Variants in HOXD11 observed in about 807,000 individuals in gnomAD.
The protein encoded by HOXD11 is homeobox protein Hox-D11.
HOXD11 carries 16 observed loss-of-function variants against 23.1 expected under a neutral mutation model. The observed-to-expected ratio is 0.69, with a 90% CI of 0.47 to 1.05. The LOEUF is 1.05. HOXD11 is among the 50% of genes least tolerant of loss of function. The probability of loss-of-function intolerance (pLI) is 0.00; values close to 1 mark genes in which losing one functional copy is unlikely to be tolerated. For synonymous variants in HOXD11, 262 were observed against 224.4 expected (o/e 1.17, Z -1.50); for missense variants, 564 against 495.6 (o/e 1.14, Z -1.31).
At chr2:176,111,846 A>C (rs1228595627), downstream of HOXD11, among the ~76,000 whole-genome samples, 1 of 149,766 alleles carries the variant, frequency 6.7e-6, no homozygotes, top group East Asian at 2.0e-4. Context: ...AAAAAAAAAA[A>C]AAACCTTCAT....
downstream of HOXD11, among the ~76,000 whole-genome samples, chr2:176,112,075 G>C (rs993307322): frequency 5.3e-5 from 8 of 152,284 alleles, no homozygotes; most frequent in Admixed American, 4.6e-4. Flanking sequence ...TGCCCAGGCC[G>C]GGCTGGGCTG....
chr2:176,109,181 C>T lies in HOXD11; in HGVS notation c.*39C>T. 1 of 1,242,782 alleles carries T rather than the reference C, an allele frequency of 8.0e-7. No homozygotes were observed. The highest frequency in any genetic ancestry group is 1.2e-6 in the Non-Finnish European group (1 of 844,680). 77.0% of individuals were successfully genotyped at this position (1,242,782 alleles called of 1,614,324 possible). On this transcript the variant is annotated 3_prime_UTR_variant, in exon 2 of 2. Coordinates refer to ENST00000249504, the MANE Select transcript of HOXD11 (RefSeq NM_021192.3). ...CGCCCTCACCCCAGCCCCACTCACC[C>T]ACCCTCCTTCCCACCAGCCTGCTCT... is the stretch of plus-strand genomic sequence containing the variant.
Position 176,109,325 on chromosome 2 carries a change from A to G in HOXD11, c.*183A>G, listed in dbSNP as rs1689642886. 1.7e-6 allele frequency: 1 copy of G among 593,038 alleles called. No individual in the cohort carries two copies. The highest frequency in any genetic ancestry group is 1.9e-5 in the African/African-American group (1 of 53,882). 36.7% of individuals were successfully genotyped at this position (593,038 alleles called of 1,614,324 possible). On this transcript the variant is annotated 3_prime_UTR_variant, in exon 2 of 2. Coordinates refer to ENST00000249504, the MANE Select transcript of HOXD11 (RefSeq NM_021192.3). ...ACTGCAGCCTGCGGACGAGGCCGGG[A>G]CTTGGCCGAGCGGATCCTAATAAGG...
chr2:176,114,603 A>C (rs1398350843), downstream of HOXD11, among the ~76,000 whole-genome samples: 1 of 151,550 alleles, frequency 6.6e-6, no homozygotes, highest in Non-Finnish European at 1.5e-5. Context: ...CCCAAGGCCG[A>C]AAATAATGTT....
Position 176,107,914 on chromosome 2 carries a change from G to C in HOXD11, c.559G>C (p.Gly187Arg). The change falls in exon 1 of 2, where the codon GGG (glycine) becomes CGG (arginine). Residue 187 changes from glycine to arginine, a missense_variant. By Grantham distance (125) the Gly-to-Arg change is moderately radical (BLOSUM62 -2). Coordinates refer to ENST00000249504, the MANE Select transcript of HOXD11 (RefSeq NM_021192.3). ...CGACCAGTTCTACGAGGCAGCGCCC[G>C]GGCCCCCGTTCGCCGGGCCGCAGCC... ...GFDQFYEAAP[G>R]PPFAGPQPPP... 7.0e-7 allele frequency: 1 copy of C among 1,430,758 alleles called. No individual in the cohort carries two copies. Among genetic ancestry groups the C allele is most frequent in the Non-Finnish European group, 9.2e-7 (1 of 1,091,424 alleles). 88.6% of individuals were successfully genotyped at this position (1,430,758 alleles called of 1,614,324 possible).
intron 1 of HOXD11, 105 bp from the exon 2 acceptor site, chr2:176,108,802 C>G (rs1689628603): frequency 1.4e-6 from 1 of 733,146 alleles, no homozygotes; most frequent in South Asian, 1.9e-5. Context: ...GAGAACGTCC[C>G]CAACGGGGCC....
downstream of HOXD11, among the ~76,000 whole-genome samples, chr2:176,110,938 G>A (rs1689664261): frequency 1.3e-5 from 2 of 152,144 alleles, no homozygotes; most frequent in Non-Finnish European, 2.9e-5. Context: ...GAATTCTGGC[G>A]GGGGGTCTTA....
downstream of HOXD11, among the ~76,000 whole-genome samples, chr2:176,110,323 A>G (rs373784083): frequency 6.6e-6 from 1 of 152,246 alleles, no homozygotes; most frequent in Non-Finnish European, 1.5e-5. Context: ...CATAAAAGCC[A>G]AAGTTCTAAA....
chr2:176,114,516 T>C (rs1361444521), downstream of HOXD11, among the ~76,000 whole-genome samples: 1 of 151,920 alleles, frequency 6.6e-6, no homozygotes, highest in African/African-American at 2.4e-5. Context: ...AAAAGGTCTG[T>C]CTCATTGCCA....
At chr2:176,112,962 CAAGGTCTCAGACTCTGAAGTGG>C (rs1187904675), downstream of HOXD11, among the ~76,000 whole-genome samples, 4 of 152,224 alleles carry the variant, frequency 2.6e-5, no homozygotes, top group African/African-American at 7.2e-5. Context: ...CCTAAGGCGC[CAAGGTCTCAGACTCTGAAGTGG>C]AAGGGAAATG....
rs1689634707 is a variant in HOXD11 at position 176,108,975 on chromosome 2, G to A, written c.850G>A (p.Glu284Lys). The change falls in exon 2 of 2, where the codon GAG (glutamate) becomes AAG (lysine). Residue 284 changes from glutamate (E) to lysine (K), a missense_variant. Physicochemically the swap from Glu to Lys is moderately conservative, Grantham distance 56 (BLOSUM62 1). Transcript: ENST00000249504. ...GTACCAGATCCGCGAACTGGAACGCGAGTTTTTCTTTAACGTGTACATAAA... is the reference window on the plus strand; with the variant it reads ...GTACCAGATCCGCGAACTGGAACGCAAGTTTTTCTTTAACGTGTACATAAA... Reference protein sequence around the residue: ...TKYQIRELEREFFFNVYINKE... With the variant: ...TKYQIRELERKFFFNVYINKE... 4 of 1,614,066 alleles carry A rather than the reference G, an allele frequency of 2.5e-6. No individual in the cohort carries two copies. The highest frequency in any genetic ancestry group is 2.7e-5 in the African/African-American group (2 of 74,936).
Position 176,107,585 on chromosome 2 carries a change from G to A in HOXD11, c.230G>A (p.Gly77Asp). The change falls in exon 1 of 2, where the codon GGC becomes GAC. Residue 77 changes from glycine to aspartate, a missense_variant. Physicochemically the swap from Gly to Asp is moderately conservative, Grantham distance 94. Transcript: ENST00000249504. ...GAGCGCGCCAAGTGGCCGTACCGCGGCGGCGGCGGCGGCGGCAGCGCGGGG... is the reference window on the plus strand; with the variant it reads ...GAGCGCGCCAAGTGGCCGTACCGCGACGGCGGCGGCGGCGGCAGCGCGGGG... ...GLERAKWPYR[G>D]GGGGGSAGGG... 1 of 1,376,776 alleles carries A rather than the reference G, an allele frequency of 7.3e-7. No homozygotes were observed. The highest frequency in any genetic ancestry group is 9.5e-7 in the Non-Finnish European group (1 of 1,051,246). 85.3% of individuals were successfully genotyped at this position (1,376,776 alleles called of 1,614,324 possible).
At chr2:176,114,793 C>A in the HOXD11 span, among the ~76,000 whole-genome samples, 2 of 152,224 alleles carry the variant, frequency 1.3e-5, no homozygotes, top group Non-Finnish European at 2.9e-5. Context: ...CCAATTTACC[C>A]ACAAGTTCAG....
Position 176,109,443 on chromosome 2 carries a change from C to A in HOXD11, c.*301C>A. 1 of 358,970 alleles carries A rather than the reference C, an allele frequency of 2.8e-6. No homozygotes were observed. The highest frequency in any genetic ancestry group is 4.7e-5 in the South Asian group (1 of 21,090). 22.2% of individuals were successfully genotyped at this position (358,970 alleles called of 1,614,324 possible). A position where few individuals can be genotyped will look rare whatever the true frequency, so the allele number is the denominator to read the frequency against. On this transcript the variant is annotated 3_prime_UTR_variant, in exon 2 of 2. Coordinates refer to ENST00000249504, the MANE Select transcript of HOXD11 (RefSeq NM_021192.3). ...TCTCCGAGTCCTCGTGGGGACACGG[C>A]GGGGTCTGTAGGAAGTTGGGCCGGG... is the stretch of plus-strand genomic sequence containing the variant.
At chr2:176,110,988 T>C (rs1351135158), downstream of HOXD11, among the ~76,000 whole-genome samples, 4 of 152,248 alleles carry the variant, frequency 2.6e-5, no homozygotes, top group East Asian at 7.7e-4. Context: ...ACTACAGTTT[T>C]AAAATCAAGC....
downstream of HOXD11, among the ~76,000 whole-genome samples, chr2:176,114,316 G>A (rs1258642625): frequency 2.6e-5 from 4 of 152,282 alleles, no homozygotes; most frequent in East Asian, 7.7e-4. Context: ...AGAGTCAAAA[G>A]TTATGTTTTG....
At chr2:176,112,493 G>A (rs568997683), downstream of HOXD11, among the ~76,000 whole-genome samples, 5 of 152,354 alleles carry the variant, frequency 3.3e-5, no homozygotes, top group Admixed American at 2.0e-4. Flanking sequence ...GGGGCCTGCC[G>A]CTTGCCCCTC....
chr2:176,109,594 G>A lies in HOXD11; in HGVS notation c.*452G>A, dbSNP rs925091006. 2.5e-5 allele frequency: 6 copies of A among 236,436 alleles called. No individual in the cohort carries two copies. Among genetic ancestry groups the A allele is most frequent in the Non-Finnish European group, 3.3e-5 (4 of 119,964 alleles). The allele number at this position is 236,436 out of a possible 1,614,324, so 14.6% of individuals were successfully genotyped here. On this transcript the variant is annotated 3_prime_UTR_variant, in exon 2 of 2. Coordinates refer to ENST00000249504, the MANE Select transcript of HOXD11 (RefSeq NM_021192.3). Reference sequence around the variant, plus strand: ...CTTTTAGTCTGTCATATCAAGGCATGAGTCACTGTCTTTTTTTGTGTGAAT... The same window carrying A: ...CTTTTAGTCTGTCATATCAAGGCATAAGTCACTGTCTTTTTTTGTGTGAAT...
At chr2:176,115,089 G>A in the HOXD11 span, among the ~76,000 whole-genome samples, 1 of 152,276 alleles carries the variant, frequency 6.6e-6, no homozygotes, top group Admixed American at 6.5e-5. Context: ...AAGAGAGGGA[G>A]GGAGGAAGTT....
Sources: gnomAD v4.1 joint callset for allele counts (sites outside exome capture counted in the v4.1 genomes callset) on GRCh38, gnomAD v4.1.1 for gene constraint, MANE v1.5 for transcripts, NCBI Gene and HGNC (gene_info 2026-07-23, HGNC 2026-07-21) for gene names.